DAAM1: variants seen among roughly 807,000 people sequenced by gnomAD.
DAAM1 encodes disheveled-associated activator of morphogenesis 1.
A neutral mutation model predicts 130.0 loss-of-function variants in DAAM1; 52 were observed. That is an observed-to-expected ratio of 0.40 (90% CI 0.32 to 0.50). The LOEUF (loss-of-function observed/expected upper bound fraction) is 0.50, where lower values mean the gene tolerates loss of function less well. Ranked by LOEUF, DAAM1 falls within the 20% of genes least tolerant of loss-of-function variation. The probability of loss-of-function intolerance (pLI) is 0.61; values close to 1 mark genes in which losing one functional copy is unlikely to be tolerated. For missense variants in DAAM1, 1,134 were observed against 1,303.8 expected (o/e 0.87, Z 2.01); for synonymous variants, 452 against 444.5 (o/e 1.02, Z -0.21).
chr14:59,262,118 C>G (rs1882190110), intron 1 of DAAM1, among the ~76,000 whole-genome samples: 1 of 151,814 alleles, frequency 6.6e-6, no homozygotes, highest in Non-Finnish European at 1.5e-5. Flanking sequence ...AGTTACACAT[C>G]TAAATGTATC....
intron 16 of DAAM1, among the ~76,000 whole-genome samples, chr14:59,346,604 C>T (rs1235447110): frequency 6.6e-6 from 1 of 151,984 alleles, no homozygotes; most frequent in African/African-American, 2.4e-5. Flanking sequence ...CCATTTCCAT[C>T]AAAGAAAAGG....
chr14:59,204,734 A>G (rs1888208733), intron 1 of DAAM1, among the ~76,000 whole-genome samples: 1 of 152,230 alleles, frequency 6.6e-6, no homozygotes. Context: ...ACAACATCCA[A>G]AAAATCATCA....
At chr14:59,291,381 G>A in intron 3 of DAAM1, 75 bp downstream of exon 3, 6 of 1,168,800 alleles carry the variant, frequency 5.1e-6, no homozygotes, top group Non-Finnish European at 7.4e-6. Flanking sequence ...TTCACCACTA[G>A]AATTGGACAG....
chr14:59,224,629 G>A (rs767524323), intron 1 of DAAM1, among the ~76,000 whole-genome samples: 33 of 152,248 alleles, frequency 2.2e-4, no homozygotes, highest in Non-Finnish European at 4.7e-4. Flanking sequence ...AAACGTTTGA[G>A]TTGGTACTGG....
At chr14:59,328,814 T>A (rs958205388) in intron 12 of DAAM1, among the ~76,000 whole-genome samples, 2 of 152,202 alleles carry the variant, frequency 1.3e-5, no homozygotes, top group African/African-American at 4.8e-5. Context: ...AGGAACAGGT[T>A]GTTTTAGTGT....
chr14:59,200,013 T>C (rs1440491614), intron 1 of DAAM1, among the ~76,000 whole-genome samples: 1 of 152,210 alleles, frequency 6.6e-6, no homozygotes, highest in Non-Finnish European at 1.5e-5. Flanking sequence ...TAAATTGGAA[T>C]TCATCTGGGA....
intron 16 of DAAM1, 106 bp downstream of exon 16, chr14:59,340,286 C>G: frequency 2.0e-6 from 2 of 1,014,338 alleles, no homozygotes; most frequent in Non-Finnish European, 2.9e-6. Flanking sequence ...TGCTGAGGTA[C>G]AGTTCTTTGG....
At chr14:59,363,308 C>A in intron 22 of DAAM1, 1 of 201,146 alleles carries the variant, frequency 5.0e-6, no homozygotes, top group Non-Finnish European at 1.0e-5. Flanking sequence ...CACTCACAAA[C>A]CCTTAAAATT....
At chr14:59,360,377 TG>T (rs1886657358) in intron 21 of DAAM1, among the ~76,000 whole-genome samples, 5 of 152,246 alleles carry the variant, frequency 3.3e-5, no homozygotes, top group African/African-American at 7.2e-5. Context: ...GGGGCCTTAG[TG>T]AAAAGCAGAA....
At chr14:59,288,235 T>G (rs1883549950) in intron 2 of DAAM1, among the ~76,000 whole-genome samples, 2 of 152,230 alleles carry the variant, frequency 1.3e-5, no homozygotes, top group South Asian at 4.1e-4. Flanking sequence ...AAGATTGAAA[T>G]TGGACCCCTT....
At chr14:59,320,438 C>T in intron 4 of DAAM1, 52 bp from the exon 5 acceptor site, 1 of 1,439,006 alleles carries the variant, frequency 6.9e-7, no homozygotes, top group Non-Finnish European at 9.6e-7. Flanking sequence ...CTTGTTTGTA[C>T]TGTAATTAAA....
At chr14:59,334,367 A>G (rs1019945840) in intron 15 of DAAM1, among the ~76,000 whole-genome samples, 1 of 152,198 alleles carries the variant, frequency 6.6e-6, no homozygotes, top group African/African-American at 2.4e-5. Flanking sequence ...AGTGCATTAT[A>G]TAATTCACTT....
At chr14:59,197,141 C>T (rs894274789) in intron 1 of DAAM1, among the ~76,000 whole-genome samples, 14 of 152,148 alleles carry the variant, frequency 9.2e-5, no homozygotes, top group African/African-American at 2.2e-4. Flanking sequence ...TGGATGGTCT[C>T]GATCTCCTGA....
chr14:59,253,544 A>G (rs1313011528), intron 1 of DAAM1, among the ~76,000 whole-genome samples: 1 of 152,240 alleles, frequency 6.6e-6, no homozygotes, highest in Non-Finnish European at 1.5e-5. Flanking sequence ...GAACATATAA[A>G]GACCTCTGGG....
At chr14:59,290,701 C>T (rs1474169628) in intron 2 of DAAM1, among the ~76,000 whole-genome samples, 1 of 152,172 alleles carries the variant, frequency 6.6e-6, no homozygotes. Flanking sequence ...TTGCAGAAAC[C>T]CAGTGCTTCC....
chr14:59,249,669 T>G (rs1310043473), intron 1 of DAAM1, among the ~76,000 whole-genome samples: 1 of 152,234 alleles, frequency 6.6e-6, no homozygotes, highest in Non-Finnish European at 1.5e-5. Context: ...CCTTGTAAAT[T>G]CAGTCACCAT....
rs752942922 is a variant in DAAM1, at chr14:59,355,171, G to A, written c.2363G>A (p.Arg788His). The change falls in exon 20 of 25, where the codon CGT becomes CAT. Residue 788 changes from arginine (R) to histidine (H), a missense_variant. This residue lies in a region of DAAM1 where 644 missense variants were observed against 695.9 expected (regional missense o/e 0.93). Transcript: ENST00000360909. The stretch of plus-strand genomic sequence containing the variant: ...TATGTGTTTTGTTTTGAAGCAATTC[G>A]TTCTGGCTCAGAAGAGGTGTTTAGG... Reference protein sequence around the residue: ...AEVKPKVEAIRSGSEEVFRSG... With the variant: ...AEVKPKVEAIHSGSEEVFRSG... 6.2e-6 allele frequency: 10 copies of A among 1,607,602 alleles called. No homozygotes were observed. The highest frequency in any genetic ancestry group is 2.2e-5 in the East Asian group (1 of 44,774).
rs1887056196 is a variant in DAAM1 at position 59,369,384 on chromosome 14, G to GC, written c.*525_*526insC. 1 of 152,994 alleles carries GC rather than the reference G, an allele frequency of 6.5e-6. No homozygotes were observed. The highest frequency in any genetic ancestry group is 2.4e-5 in the African/African-American group (1 of 41,446). 9.5% of individuals were successfully genotyped at this position (152,994 alleles called of 1,614,324 possible). ...TGATAGCTGACATTGTGATGTTGAT[G>GC]TATCACATCAGTAATAGGACCAGCT... On this transcript the variant is annotated 3_prime_UTR_variant, in exon 25 of 25. Coordinates refer to ENST00000360909, the MANE Select transcript of DAAM1 (RefSeq NM_001270520.2).
rs111831685 is a variant in DAAM1 at position 59,342,491 on chromosome 14, C to T, written c.2075+2311C>T. 1.3e-3 allele frequency among the ~76,000 whole-genome samples: 205 copies of T among 152,164 alleles called. 3 individuals carry two copies. The highest frequency in any genetic ancestry group is 4.8e-3 in the African/African-American group (200 of 41,516). ...ATCAGCAGTTTACTTTTCATTCTTC[C>T]TTTTTTGTTGGCAATTTATTACTAT... On this transcript the variant is annotated intron_variant, in intron 16 of 24. Transcript: ENST00000360909.
Sources: allele counts gnomAD v4.1 joint callset (sites outside exome capture counted in the v4.1 genomes callset), GRCh38; gene constraint gnomAD v4.1.1; regional missense constraint gnomAD v4.1.1; transcripts MANE v1.5; gene names NCBI Gene and HGNC (gene_info 2026-07-23, HGNC 2026-07-21).